Variants in PCDHA2 observed in about 807,000 individuals in gnomAD.
The protein encoded by PCDHA2 is protocadherin alpha-2.
In PCDHA2, 58 loss-of-function variants were observed where a neutral mutation model predicts 66.0. The ratio of observed to expected loss-of-function variants is 0.88; its 90% CI spans 0.71 to 1.09. PCDHA2 has a LOEUF of 1.09. PCDHA2 is among the 50% of genes least tolerant of loss of function. The pLI is 0.00. For missense variants in PCDHA2, 1,267 were observed against 1,242.3 expected (o/e 1.02, Z -0.30); for synonymous variants, 634 against 554.0 (o/e 1.14, Z -2.03).
At chr5:140,883,773 G>T (rs1362933627) in intron 1 of PCDHA2, 4 of 1,612,256 alleles carry the variant, frequency 2.5e-6, no homozygotes, top group Admixed American at 1.7e-5. Flanking sequence ...GTGGGCGAGC[G>T]TGCGCTGTCG....
intron 1 of PCDHA2, chr5:140,871,118 G>C (rs1554165149): frequency 6.2e-7 from 1 of 1,613,306 alleles, no homozygotes; most frequent in East Asian, 2.2e-5. Flanking sequence ...GTGGAGAGCG[G>C]ACAGGCGCCA....
At chr5:140,812,648 C>G (rs1014643443) in intron 1 of PCDHA2, 2 of 152,056 alleles carry the variant, frequency 1.3e-5, no homozygotes, top group Non-Finnish European at 1.5e-5. Flanking sequence ...GTTTAAGAGA[C>G]AAGATCTCAC....
intron 1 of PCDHA2, among the ~76,000 whole-genome samples, chr5:140,923,820 C>T (rs892649324): frequency 5.3e-4 from 80 of 152,224 alleles, no homozygotes; most frequent in African/African-American, 1.6e-3. Context: ...TGAAAATAGA[C>T]GTCAGTGGCA....
intron 1 of PCDHA2, chr5:140,877,033 C>A: frequency 6.2e-7 from 1 of 1,612,480 alleles, no homozygotes; most frequent in East Asian, 2.2e-5. Flanking sequence ...GTACGCGCTG[C>A]AGCCGCTAGA....
intron 1 of PCDHA2, chr5:140,823,604 T>G: frequency 5.6e-6 from 9 of 1,613,998 alleles, no homozygotes; most frequent in Non-Finnish European, 7.6e-6. Context: ...TCGTATGAGC[T>G]GCAGCCAGCG....
At chr5:140,853,068 A>G (rs2042618131) in intron 1 of PCDHA2, 1 of 280,152 alleles carries the variant, frequency 3.6e-6, no homozygotes, top group Non-Finnish European at 5.5e-6. Context: ...TTTAGTAGAG[A>G]TGGGGTTTCA....
intron 1 of PCDHA2, among the ~76,000 whole-genome samples, chr5:140,819,726 A>G (rs1766606159): frequency 6.6e-6 from 1 of 152,118 alleles, no homozygotes; most frequent in Admixed American, 6.5e-5. Context: ...TTTAACAGAT[A>G]TGAAAGTGAA....
At chr5:140,838,691 T>G (rs1554137147) in intron 1 of PCDHA2, among the ~76,000 whole-genome samples, 2 of 151,996 alleles carry the variant, frequency 1.3e-5, no homozygotes, top group African/African-American at 4.8e-5. Context: ...ACCCCAACAT[T>G]TCGGGAGGCC....
intron 1 of PCDHA2, chr5:140,823,090 A>G: frequency 6.2e-7 from 1 of 1,614,038 alleles, no homozygotes; most frequent in Non-Finnish European, 8.5e-7. Context: ...GGCCACCGCC[A>G]GCGTGTCTGT....
At chr5:140,966,737 G>A (rs1466161811) in intron 1 of PCDHA2, 4 of 1,420,882 alleles carry the variant, frequency 2.8e-6, no homozygotes, top group Non-Finnish European at 3.7e-6. Flanking sequence ...CTCCGGCCCT[G>A]CCCGGCTGCC....
chr5:140,859,774 G>C (rs1214476805), intron 1 of PCDHA2: 1 of 152,534 alleles, frequency 6.6e-6, no homozygotes, highest in Non-Finnish European at 1.5e-5. Flanking sequence ...TCCATGCCCT[G>C]TCTCCAGCTC....
intron 3 of PCDHA2, among the ~76,000 whole-genome samples, chr5:141,002,135 G>C (rs1265359430): frequency 2.6e-5 from 4 of 152,236 alleles, no homozygotes; most frequent in Admixed American, 2.6e-4. Flanking sequence ...AGCCTTTGCC[G>C]GCTGCACTGA....
intron 1 of PCDHA2, among the ~76,000 whole-genome samples, chr5:140,974,906 T>G (rs1197306976): frequency 6.6e-6 from 1 of 152,182 alleles, no homozygotes; most frequent in Non-Finnish European, 1.5e-5. Flanking sequence ...TTGTAACAAA[T>G]TACCACAAGT....
intron 1 of PCDHA2, chr5:140,882,906 C>G: frequency 6.2e-7 from 1 of 1,614,200 alleles, no homozygotes; most frequent in Non-Finnish European, 8.5e-7. Context: ...TTATTACTGA[C>G]AGCCAGTGAT....
chr5:140,876,875 A>G, intron 1 of PCDHA2: 1 of 1,613,762 alleles, frequency 6.2e-7, no homozygotes, highest in Admixed American at 1.7e-5. Flanking sequence ...AAGGAGAACA[A>G]CCCGCCGGGC....
chr5:140,796,927 G>C lies in PCDHA2; in HGVS notation c.1963G>C (p.Gly655Arg). Reference protein sequence around the residue: ...HRLLVLVKDHGEPALTATATV... With the variant: ...HRLLVLVKDHREPALTATATV... The stretch of plus-strand genomic sequence containing the variant: ...CCTACTCGTGCTGGTGAAGGACCAC[G>C]GCGAACCAGCGTTGACAGCCACGGC... The change falls in exon 1 of 4, where the codon GGC becomes CGC. Residue 655 changes from glycine to arginine, a missense_variant. Physicochemically the swap from Gly to Arg is moderately radical, Grantham distance 125. Transcript: ENST00000526136. 6.2e-7 allele frequency: 1 copy of C among 1,613,830 alleles called. No individual in the cohort carries two copies. The highest frequency in any genetic ancestry group is 1.1e-5 in the South Asian group (1 of 91,076).
In PCDHA2 at chr5:140,843,394, G is replaced by T. The variant is rs2150359132; in HGVS notation, c.2388+46042G>T. ...CGGCTGGCGTTTTGGGTCCGGAAGC[G>T]GCGCTGGTGGATGTCAACGTGTACC... is the stretch of plus-strand genomic sequence containing the variant. On this transcript the variant is annotated intron_variant, in intron 1 of 3. Transcript: ENST00000526136. 3 of 1,596,026 alleles carry T rather than the reference G, an allele frequency of 1.9e-6. No individual in the cohort carries two copies. The East Asian group carries it at 6.7e-5, about 36-fold the overall frequency.
At chr5:140,986,951 T>C (rs1421822972) in intron 3 of PCDHA2, among the ~76,000 whole-genome samples, 1 of 152,128 alleles carries the variant, frequency 6.6e-6, no homozygotes, top group Non-Finnish European at 1.5e-5. Context: ...TGGTCGCTCA[T>C]GCCTGTAATT....
intron 1 of PCDHA2, among the ~76,000 whole-genome samples, chr5:140,798,130 C>T (rs1762298949): frequency 6.6e-6 from 1 of 152,144 alleles, no homozygotes; most frequent in Admixed American, 6.5e-5. Context: ...CCTAGGCCTC[C>T]CAAAGTGCTG....
Sources: gnomAD v4.1 joint callset for allele counts (sites outside exome capture counted in the v4.1 genomes callset) on GRCh38, gnomAD v4.1.1 for gene constraint, MANE v1.5 for transcripts, NCBI Gene and HGNC (gene_info 2026-07-23, HGNC 2026-07-21) for gene names.